Variants in ADGRA1 observed in about 807,000 individuals in gnomAD.
ADGRA1 encodes G-protein coupled receptor 123.
A neutral mutation model predicts 21.3 loss-of-function variants in ADGRA1; 12 were observed. That is an observed-to-expected ratio of 0.56 (90% CI 0.36 to 0.91). The LOEUF (loss-of-function observed/expected upper bound fraction) is 0.91, where lower values mean the gene tolerates loss of function less well. ADGRA1 is among the 40% of genes least tolerant of loss of function. ADGRA1 has a pLI of 0.01. For missense variants in ADGRA1, 790 were observed against 805.6 expected, an observed-to-expected ratio of 0.98 and a Z score of 0.23; for synonymous variants, 385 against 368.8, an observed-to-expected ratio of 1.04 and a Z score of -0.50.
chr10:133,102,871 C>T (rs756685473), intron 5 of ADGRA1, 29 bp downstream of exon 5: 19 of 1,589,700 alleles, frequency 1.2e-5, no homozygotes, highest in Middle Eastern at 1.7e-4. Context: ...CGCGAGGCCC[C>T]GCCACCTGGG....
At chr10:133,114,774 C>A (rs530949751) in intron 5 of ADGRA1, among the ~76,000 whole-genome samples, 1 of 152,140 alleles carries the variant, frequency 6.6e-6, no homozygotes, top group Non-Finnish European at 1.5e-5. Context: ...AGATGGGTCC[C>A]GTGTCCCAGG....
chr10:133,098,574 G>T, intron 3 of ADGRA1, 66 bp from the exon 4 acceptor site: 1 of 1,549,378 alleles, frequency 6.5e-7, no homozygotes, highest in Non-Finnish European at 8.7e-7. Flanking sequence ...GCCCCAGGGG[G>T]CTCCCTTCCA....
intron 2 of ADGRA1, among the ~76,000 whole-genome samples, chr10:133,095,281 G>A (rs1033181808): frequency 6.6e-6 from 1 of 152,146 alleles, no homozygotes; most frequent in Non-Finnish European, 1.5e-5. Flanking sequence ...TTTACAGAGG[G>A]GCAGAGTGAG....
At chr10:133,112,621 G>C (rs1040863649) in intron 5 of ADGRA1, among the ~76,000 whole-genome samples, 11 of 145,156 alleles carry the variant, frequency 7.6e-5, no homozygotes, top group Admixed American at 6.9e-5. Context: ...GGCTACGTCG[G>C]TTATTTGGGG....
intron 5 of ADGRA1, among the ~76,000 whole-genome samples, chr10:133,104,348 C>T (rs952246897): frequency 7.2e-5 from 11 of 152,200 alleles, no homozygotes; most frequent in Non-Finnish European, 1.5e-4. Flanking sequence ...TCTCAAAATG[C>T]GTTTCCTCAT....
intron 5 of ADGRA1, among the ~76,000 whole-genome samples, chr10:133,110,594 A>G (rs1194939380): frequency 6.6e-6 from 1 of 152,244 alleles, no homozygotes; most frequent in Non-Finnish European, 1.5e-5. Context: ...TAACTATATG[A>G]GTGAGAAGAA....
At chr10:133,096,408 G>A (rs926592118) in intron 2 of ADGRA1, among the ~76,000 whole-genome samples, 6 of 152,190 alleles carry the variant, frequency 3.9e-5, no homozygotes, top group African/African-American at 1.2e-4. Flanking sequence ...TTCTTGGGCC[G>A]AGAAGCAGGT....
intron 5 of ADGRA1, among the ~76,000 whole-genome samples, chr10:133,119,395 T>C (rs1367240013): frequency 6.6e-6 from 1 of 152,246 alleles, no homozygotes; most frequent in African/African-American, 2.4e-5. Context: ...TGTGGCAGTT[T>C]CTTAAAATAA....
intron 5 of ADGRA1, among the ~76,000 whole-genome samples, chr10:133,115,081 A>T (rs1852131382): frequency 1.3e-5 from 2 of 152,064 alleles, no homozygotes; most frequent in Admixed American, 1.3e-4. Context: ...GGTGGCTAGG[A>T]GCCTGGGGGG....
chr10:133,127,037 G>C (rs981994849), intron 5 of ADGRA1, among the ~76,000 whole-genome samples, 196 bp from the exon 6 acceptor site: 12 of 152,164 alleles, frequency 7.9e-5, no homozygotes, highest in African/African-American at 2.9e-4. Flanking sequence ...GAGGCCCGCG[G>C]GAGGCCAGCG....
At chr10:133,122,191 C>T (rs1482338407) in intron 5 of ADGRA1, among the ~76,000 whole-genome samples, 1 of 152,242 alleles carries the variant, frequency 6.6e-6, no homozygotes, top group Non-Finnish European at 1.5e-5. Flanking sequence ...CTCAGAAGGG[C>T]TGCCCTGGGT....
chr10:133,098,807 T>G (rs748254079), intron 4 of ADGRA1, 44 bp downstream of exon 4: 75 of 1,580,870 alleles, frequency 4.7e-5, no homozygotes, highest in Non-Finnish European at 6.3e-5. Flanking sequence ...AGAGGGGAAC[T>G]GCGTGAGCGT....
intron 2 of ADGRA1, among the ~76,000 whole-genome samples, chr10:133,096,320 C>T (rs1851687962): frequency 2.0e-5 from 3 of 152,232 alleles, no homozygotes; most frequent in African/African-American, 7.2e-5. Context: ...CAAGCCTTTC[C>T]AGCTGGGTCG....
chr10:133,122,077 A>G (rs1458533005), intron 5 of ADGRA1, among the ~76,000 whole-genome samples: 2 of 152,174 alleles, frequency 1.3e-5, no homozygotes, highest in African/African-American at 2.4e-5. Context: ...GTGTCATGCA[A>G]GCATACGTGT....
chr10:133,103,594 A>G (rs1428837316), intron 5 of ADGRA1, among the ~76,000 whole-genome samples: 1 of 152,194 alleles, frequency 6.6e-6, no homozygotes, highest in Non-Finnish European at 1.5e-5. Context: ...GACACAGCCC[A>G]TGATGGCACA....
chr10:133,088,221 A>G (rs2998114), intron 1 of ADGRA1, 83 bp downstream of exon 1: 565,269 of 578,362 alleles, frequency 0.98, 276,251 homozygotes, highest in East Asian at 1. Flanking sequence ...CCGAGGTGAC[A>G]CTGGCCGCGA....
chr10:133,107,152 G>A (rs988998009), intron 5 of ADGRA1, among the ~76,000 whole-genome samples: 4 of 152,186 alleles, frequency 2.6e-5, no homozygotes, highest in Admixed American at 2.0e-4. Context: ...TTATTTGTTT[G>A]TGAACAAAAC....
At chr10:133,093,595 G>A (rs957955868) in intron 2 of ADGRA1, among the ~76,000 whole-genome samples, 50 of 152,334 alleles carry the variant, frequency 3.3e-4, no homozygotes, top group Non-Finnish European at 2.9e-4. Context: ...GCCATCCTGC[G>A]GGCACAGAAC....
Position 133,129,006 on chromosome 10 carries a change from C to A in ADGRA1, c.1178C>A (p.Thr393Lys), listed in dbSNP as rs1158315253. 176 of 1,569,106 alleles carry A rather than the reference C, an allele frequency of 1.1e-4. No individual in the cohort carries two copies. The highest frequency in any genetic ancestry group is 1.5e-4 in the Non-Finnish European group (172 of 1,157,196). Residue 393 changes from threonine to lysine, a missense_variant, in exon 7 of 7, where the codon ACG becomes AAG. Thr to Lys is a moderately conservative substitution (Grantham distance 78, BLOSUM62 -1). Around this residue, in one of 3 missense-constraint regions of ADGRA1, gnomAD observed 391 missense variants for 351.5 expected, o/e 1.11. Transcript: ENST00000392607. ...GCCAAGATGCACTGCGAGCCACTGA[C>A]GGCGGACGAGGCGCACGTGCACCTG... ...CCAKMHCEPL[T>K]ADEAHVHLQE...
Sources: gnomAD v4.1 joint callset for allele counts (sites outside exome capture counted in the v4.1 genomes callset) on GRCh38, gnomAD v4.1.1 for gene constraint, gnomAD v4.1.1 regional missense constraint, MANE v1.5 for transcripts, NCBI Gene and HGNC (gene_info 2026-07-23, HGNC 2026-07-21) for gene names.